The following ABCB1 variants were observed in gnomAD, a reference collection of about 807,000 sequenced individuals.
ABCB1 encodes ATP-dependent translocase ABCB1.
A neutral mutation model predicts 142.0 loss-of-function variants in ABCB1; 69 were observed. The observed-to-expected ratio is 0.49, with a 90% CI of 0.40 to 0.59. The LOEUF is 0.59. Among genes scored for constraint, ABCB1 ranks in the 20% least tolerant of loss-of-function variants. The pLI, the probability that ABCB1 is intolerant of heterozygous loss-of-function variation, is 0.00. For missense variants in ABCB1, 1,326 were observed against 1,554.7 expected, an observed-to-expected ratio of 0.85 and a Z score of 2.47; for synonymous variants, 532 against 539.2, an observed-to-expected ratio of 0.99 and a Z score of 0.18.
At chr7:87,558,181 C>T (rs370850027) in intron 8 of ABCB1, among the ~76,000 whole-genome samples, 7 of 152,298 alleles carry the variant, frequency 4.6e-5, no homozygotes, top group African/African-American at 1.7e-4. Context: ...TAGCAGTGCC[C>T]TTGGTGAATA....
chr7:87,525,873 A>G (rs190852950), intron 21 of ABCB1, among the ~76,000 whole-genome samples: 1 of 152,256 alleles, frequency 6.6e-6, no homozygotes, highest in Non-Finnish European at 1.5e-5. Flanking sequence ...ATGTTTCAAT[A>G]TGGTACCAAT....
rs1381927860 is a variant in ABCB1 at position 87,539,334 on chromosome 7, A to C, written c.2331T>G (p.Phe777Leu). 6.2e-7 allele frequency: 1 copy of C among 1,614,162 alleles called. No homozygotes were observed. Among genetic ancestry groups the C allele is most frequent in the South Asian group, 1.1e-5 (1 of 91,086 alleles). The change falls in exon 19 of 28, where the codon TTT becomes TTG. Residue 777 changes from phenylalanine (F) to leucine (L), a missense_variant. Physicochemically the swap from Phe to Leu is conservative, Grantham distance 22. Transcript: ENST00000622132. Reference sequence around the variant, plus strand: ...TGGTGAGGATCTCTCCAGCTTTGCCAAATGTGAAACCCTGTGGGCAGGAAC... The same window carrying C: ...TGGTGAGGATCTCTCCAGCTTTGCCCAATGTGAAACCCTGTGGGCAGGAAC... ...FITFFLQGFT[F>L]GKAGEILTKR... is the part of the protein sequence containing the mutation.
At chr7:87,568,172 G>A (rs546888063) in intron 5 of ABCB1, among the ~76,000 whole-genome samples, 2 of 150,098 alleles carry the variant, frequency 1.3e-5, no homozygotes, top group Non-Finnish European at 3.0e-5. Context: ...AAGGTGGGCG[G>A]ATCATGAAGT....
At chr7:87,699,738 C>T (rs1181138451) in intron 1 of ABCB1, among the ~76,000 whole-genome samples, 1 of 152,024 alleles carries the variant, frequency 6.6e-6, no homozygotes, top group Non-Finnish European at 1.5e-5. Flanking sequence ...AACCTATGCA[C>T]AATAGAACAT....
chr7:87,559,292 ATCT>A (rs982178290), intron 8 of ABCB1, among the ~76,000 whole-genome samples: 10 of 152,084 alleles, frequency 6.6e-5, no homozygotes, highest in Admixed American at 1.3e-4. Flanking sequence ...GTTTACTCAG[ATCT>A]TCTCCTTCTT....
At chr7:87,575,300 T>C (rs1818226009) in intron 4 of ABCB1, among the ~76,000 whole-genome samples, 2 of 152,234 alleles carry the variant, frequency 1.3e-5, no homozygotes. Context: ...ATTCCCTAAT[T>C]GGTAAACTGA....
rs1814571173 is a variant in ABCB1 at position 87,503,334 on chromosome 7, T to C, written c.*909A>G. Among the ~76,000 whole-genome samples, 1 of 152,138 alleles carries C rather than the reference T, an allele frequency of 6.6e-6. No individual in the cohort carries two copies. The highest frequency in any genetic ancestry group is 2.1e-4 in the South Asian group (1 of 4,828). On this transcript the variant is annotated 3_prime_UTR_variant, in exon 28 of 28. Transcript: ENST00000622132. Reference sequence around the variant, plus strand: ...CCAACCTTTGGAATATATTTTTTTCTTTTTTTATCATGTTTGTATCAAGAT... The same window carrying C: ...CCAACCTTTGGAATATATTTTTTTCCTTTTTTATCATGTTTGTATCAAGAT...
intron 1 of ABCB1, among the ~76,000 whole-genome samples, chr7:87,626,364 A>ATGTGTCATATG (rs1820536012): frequency 1.0e-4 from 3 of 30,066 alleles, no homozygotes; most frequent in Non-Finnish European, 1.5e-4. Context: ...TGTGTCATAT[A>ATGTGTCATATG]TATGTGTCAT....
chr7:87,645,963 G>A (rs1297660768), intron 1 of ABCB1, among the ~76,000 whole-genome samples: 1 of 152,156 alleles, frequency 6.6e-6, no homozygotes, highest in African/African-American at 2.4e-5. Flanking sequence ...CTTCATTACT[G>A]ACTTTGATAT....
chr7:87,698,617 A>G (rs993667729), intron 1 of ABCB1, among the ~76,000 whole-genome samples: 4 of 152,204 alleles, frequency 2.6e-5, no homozygotes, highest in African/African-American at 9.7e-5. Context: ...ATTTAAGATT[A>G]TCTGTGTTGT....
chr7:87,650,866 T>G, intron 1 of ABCB1: 1 of 1,613,076 alleles, frequency 6.2e-7, no homozygotes, highest in Non-Finnish European at 8.5e-7. Context: ...TTTGAGACAA[T>G]TGATGATTCT....
At chr7:87,561,717 G>T (rs1259478196) in intron 7 of ABCB1, among the ~76,000 whole-genome samples, 1 of 152,174 alleles carries the variant, frequency 6.6e-6, no homozygotes, top group African/African-American at 2.4e-5. Flanking sequence ...CAGGTGTGGT[G>T]GCTCACACTT....
rs750708457 is a variant in ABCB1, at chr7:87,505,996, G to A, written c.3537C>T (p.Gly1179=). The change falls in exon 27 of 28, where the codon GGC becomes GGT. Residue 1179 remains glycine, a synonymous_variant. Transcript: ENST00000622132. ...GAGCTATGGCAATGCGTTGTTTCTG[G>A]CCACCAGAGAGCTGAGTTCCTTTGT... ...VGDKGTQLSG[G]QKQRIAIARA... is the part of the protein sequence containing the mutation. 3.7e-6 allele frequency: 6 copies of A among 1,614,058 alleles called. No homozygotes were observed. Among genetic ancestry groups the A allele is most frequent in the Non-Finnish European group, 5.1e-6 (6 of 1,179,966 alleles).
At chr7:87,707,047 C>CA (rs935109649) in intron 1 of ABCB1, among the ~76,000 whole-genome samples, 17 of 151,914 alleles carry the variant, frequency 1.1e-4, no homozygotes, top group Admixed American at 7.2e-4. Flanking sequence ...AAGATTAATA[C>CA]AAAAAAAGGC....
chr7:87,507,382 C>T (rs1439069401), intron 26 of ABCB1, among the ~76,000 whole-genome samples: 2 of 152,228 alleles, frequency 1.3e-5, no homozygotes, highest in Non-Finnish European at 2.9e-5. Context: ...ATTACCTGGG[C>T]TCTTAAAACG....
intron 9 of ABCB1, 38 bp from the exon 10 acceptor site, chr7:87,550,876 T>TA (rs779683904): frequency 7.5e-7 from 1 of 1,329,056 alleles, no homozygotes; most frequent in Non-Finnish European, 1.1e-6. Context: ...GCTACTGAGA[T>TA]AGTGACAGCA....
intron 26 of ABCB1, among the ~76,000 whole-genome samples, chr7:87,508,703 A>G (rs1368371679): frequency 6.6e-6 from 1 of 152,116 alleles, no homozygotes; most frequent in African/African-American, 2.4e-5. Flanking sequence ...TAATGGTTCA[A>G]CCCTTATTCA....
At chr7:87,632,560 A>G (rs1323047728) in intron 1 of ABCB1, among the ~76,000 whole-genome samples, 1 of 152,138 alleles carries the variant, frequency 6.6e-6, no homozygotes, top group Non-Finnish European at 1.5e-5. Context: ...ATATTCATAC[A>G]CTTGACTTTG....
intron 1 of ABCB1, among the ~76,000 whole-genome samples, chr7:87,674,650 G>C (rs908052613): frequency 2.0e-5 from 3 of 152,016 alleles, no homozygotes; most frequent in Non-Finnish European, 4.4e-5. Flanking sequence ...TATTGGCAGG[G>C]GCTGGTCTGT....
Sources: gnomAD v4.1 joint callset for allele counts (sites outside exome capture counted in the v4.1 genomes callset) on GRCh38, gnomAD v4.1.1 for gene constraint, MANE v1.5 for transcripts, NCBI Gene and HGNC (gene_info 2026-07-23, HGNC 2026-07-21) for gene names.